GALNT9: variants seen among roughly 807,000 people sequenced by gnomAD.
The protein encoded by GALNT9 is polypeptide N-acetylgalactosaminyltransferase 9.
In GALNT9, 47 loss-of-function variants were observed where a neutral mutation model predicts 63.1. The ratio of observed to expected loss-of-function variants is 0.75; its 90% CI spans 0.59 to 0.95. The LOEUF is 0.95. Among genes scored for constraint, GALNT9 ranks in the 40% least tolerant of loss-of-function variants. The pLI, the probability that GALNT9 is intolerant of heterozygous loss-of-function variation, is 0.00. For synonymous variants in GALNT9, 396 were observed against 365.7 expected (o/e 1.08, Z -0.94); for missense variants, 829 against 874.8 (o/e 0.95, Z 0.66).
chr12:132,306,392 G>A (rs1330645347), intron 1 of GALNT9, among the ~76,000 whole-genome samples: 5 of 152,220 alleles, frequency 3.3e-5, no homozygotes, highest in Admixed American at 6.5e-5. Context: ...GCCAGGAGGC[G>A]ACCCACTCAG....
At chr12:132,253,804 C>T (rs1555238797) in intron 5 of GALNT9, among the ~76,000 whole-genome samples, 2 of 152,182 alleles carry the variant, frequency 1.3e-5, no homozygotes, top group African/African-American at 4.8e-5. Flanking sequence ...ACGGAAATGC[C>T]GTCCTGGAGC....
chr12:132,217,746 C>T (rs758950898), intron 6 of GALNT9, among the ~76,000 whole-genome samples: 6 of 151,314 alleles, frequency 4.0e-5, no homozygotes, highest in Non-Finnish European at 8.9e-5. Context: ...ATCCATCCAT[C>T]CACTCATCCA....
At chr12:132,250,882 A>G (rs1878889767) in intron 5 of GALNT9, among the ~76,000 whole-genome samples, 2 of 152,210 alleles carry the variant, frequency 1.3e-5, no homozygotes, top group African/African-American at 4.8e-5. Flanking sequence ...CGGGACCCAC[A>G]TCCCCGGAGG....
Position 132,257,876 on chromosome 12 carries a change from C to A in GALNT9, c.772G>T (p.Ala258Ser), listed in dbSNP as rs782032314. The A allele has an allele frequency of 3.2e-6, 5 of 1,539,780 alleles. No individual in the cohort carries two copies. The highest frequency in any genetic ancestry group is 2.4e-5 in the South Asian group (2 of 83,764). The part of the protein sequence containing the change: ...VEFNTGWAEP[A>S]LSRIREDRRR... ...CGGTCCTCTCGGATCCGCGACAGTGCGGGCTCGGCCCTGCGGAGGCACAGC... is the reference window on the plus strand; with the variant it reads ...CGGTCCTCTCGGATCCGCGACAGTGAGGGCTCGGCCCTGCGGAGGCACAGC... The change falls in exon 5 of 11, where the codon GCA (alanine) becomes TCA (serine). Residue 258 changes from alanine (A) to serine (S), a missense_variant. Transcript: ENST00000328957.
At chr12:132,276,518 A>G (rs1467763932) in intron 2 of GALNT9, 1 of 154,830 alleles carries the variant, frequency 6.5e-6, no homozygotes, top group Non-Finnish European at 1.5e-5. Context: ...CCAGCTCCTC[A>G]AAGTGCCATC....
chr12:132,243,258 CTATA>C (rs2135531751), intron 6 of GALNT9, among the ~76,000 whole-genome samples: 1 of 144,004 alleles, frequency 6.9e-6, no homozygotes, highest in Non-Finnish European at 1.5e-5. Context: ...GGGGCCCTCC[CTATA>C]CCCATTACAC....
At chr12:132,222,957 A>T (rs1877520538) in intron 6 of GALNT9, among the ~76,000 whole-genome samples, 4 of 133,082 alleles carry the variant, frequency 3.0e-5, no homozygotes, top group Admixed American at 7.5e-5. Context: ...CACAACTCAC[A>T]CCCCACACAA....
At chr12:132,218,356 T>C (rs1877303804) in intron 6 of GALNT9, among the ~76,000 whole-genome samples, 1 of 152,184 alleles carries the variant, frequency 6.6e-6, no homozygotes, top group South Asian at 2.1e-4. Flanking sequence ...CCAGGTTGTC[T>C]CACCTGGTAC....
chr12:132,287,478 T>C (rs901873561), intron 1 of GALNT9, among the ~76,000 whole-genome samples: 6 of 152,026 alleles, frequency 3.9e-5, no homozygotes, highest in Non-Finnish European at 8.8e-5. Flanking sequence ...GCTGCTACTC[T>C]GGGGTAGGAA....
At chr12:132,306,210 C>T (rs1045187997) in intron 1 of GALNT9, among the ~76,000 whole-genome samples, 4 of 152,354 alleles carry the variant, frequency 2.6e-5, no homozygotes, top group East Asian at 1.9e-4. Context: ...GAACCGCCTG[C>T]GGAGTGTGAG....
chr12:132,202,961 C>T (rs1876287874), intron 7 of GALNT9, among the ~76,000 whole-genome samples: 1 of 152,128 alleles, frequency 6.6e-6, no homozygotes, highest in African/African-American at 2.4e-5. Context: ...CAAAAACGTC[C>T]ATCCACGGAC....
At chr12:132,301,987 A>G (rs116100375) in intron 1 of GALNT9, among the ~76,000 whole-genome samples, 2,031 of 152,286 alleles carry the variant, frequency 0.013, 31 homozygotes, top group African/African-American at 0.046. Flanking sequence ...CCTGCCTGAC[A>G]ACCCCGAGGG....
chr12:132,206,509 T>C (rs1471130020), intron 6 of GALNT9, among the ~76,000 whole-genome samples: 1 of 152,082 alleles, frequency 6.6e-6, no homozygotes, highest in African/African-American at 2.4e-5. Context: ...TAGCTGGGCA[T>C]GGTGGCAGAT....
At chr12:132,228,839 G>A (rs1287286678) in intron 6 of GALNT9, among the ~76,000 whole-genome samples, 31 of 152,192 alleles carry the variant, frequency 2.0e-4, no homozygotes, top group Admixed American at 1.8e-3. Context: ...TAATAGACGC[G>A]ATGGACTCAT....
intron 1 of GALNT9, among the ~76,000 whole-genome samples, chr12:132,304,739 ACCCAGACACAGCCTCG>A (rs782749033): frequency 5.0e-4 from 15 of 30,186 alleles, no homozygotes; most frequent in African/African-American, 1.4e-3. Flanking sequence ...GCACACCCTC[ACCCAGACACAGCCTCG>A]CCCGGGCACA....
intron 6 of GALNT9, among the ~76,000 whole-genome samples, chr12:132,239,297 G>GAGAC (rs1878123757): frequency 7.8e-6 from 1 of 128,978 alleles, no homozygotes; most frequent in Non-Finnish European, 1.7e-5. Flanking sequence ...CAGAGAGACA[G>GAGAC]AGAGAGACAC....
chr12:132,306,961 G>A (rs1881639536), intron 1 of GALNT9, among the ~76,000 whole-genome samples: 1 of 152,188 alleles, frequency 6.6e-6, no homozygotes. Flanking sequence ...CTGTCTGGGA[G>A]CGTGGCGGGG....
rs1410400211 is a variant in GALNT9, at chr12:132,225,393, A to C, written c.1078-21703T>G. Reference sequence around the variant, plus strand: ...ACCCCACACGCTGTACACACCCTACACACATACACACCACACAACCCACAC... The same window carrying C: ...ACCCCACACGCTGTACACACCCTACCCACATACACACCACACAACCCACAC... On this transcript the variant is annotated intron_variant, in intron 6 of 10. Coordinates refer to ENST00000328957, the MANE Select transcript of GALNT9 (RefSeq NM_001122636.2). Among the ~76,000 whole-genome samples, 620 of 139,902 alleles carry C rather than the reference A, an allele frequency of 4.4e-3. 18 individuals carry two copies. In the East Asian group the frequency reaches 0.07, roughly 16 times the overall value. The allele number at this position is 139,902 out of a possible 152,430, so 91.8% of individuals were successfully genotyped here.
intron 1 of GALNT9, among the ~76,000 whole-genome samples, chr12:132,306,659 C>T (rs77251816): frequency 0.061 from 9,297 of 152,256 alleles, 615 homozygotes; most frequent in East Asian, 0.19. Flanking sequence ...CACGCCTTCC[C>T]CCCTGCTCAG....
Sources: allele counts gnomAD v4.1 joint callset (sites outside exome capture counted in the v4.1 genomes callset), GRCh38; gene constraint gnomAD v4.1.1; transcripts MANE v1.5; gene names NCBI Gene and HGNC (gene_info 2026-07-23, HGNC 2026-07-21).